The following ME3 variants were observed in gnomAD, a reference collection of about 807,000 sequenced individuals.
The protein encoded by ME3 is malic enzyme 3, also known as NADP-dependent malic enzyme, mitochondrial.
Under a neutral mutation model 68.9 loss-of-function variants are expected in ME3, and 48 were observed. That is an observed-to-expected ratio of 0.70 (90% CI 0.55 to 0.89). The LOEUF (loss-of-function observed/expected upper bound fraction) is 0.89, where lower values mean the gene tolerates loss of function less well. Among genes scored for constraint, ME3 ranks in the 40% least tolerant of loss-of-function variants. The probability of loss-of-function intolerance (pLI) is 0.00; values close to 1 mark genes in which losing one functional copy is unlikely to be tolerated. For missense variants in ME3, 675 were observed against 797.4 expected (o/e 0.85, Z 1.85); for synonymous variants, 320 against 318.8 (o/e 1.00, Z -0.04).
chr11:86,434,991 A>G, the ME3 span: 11 of 152,348 alleles, frequency 7.2e-5, no homozygotes, highest in East Asian at 1.7e-3. Flanking sequence ...GTAGACAAAA[A>G]TCAAGATTTT....
chr11:86,499,251 G>A (rs549999205), intron 5 of ME3, among the ~76,000 whole-genome samples: 4 of 152,120 alleles, frequency 2.6e-5, no homozygotes, highest in Admixed American at 2.6e-4. Flanking sequence ...TGCAGGAAGG[G>A]AAAAAATGGG....
At chr11:86,661,012 T>C (rs1008274156) in intron 2 of ME3, among the ~76,000 whole-genome samples, 1 of 152,116 alleles carries the variant, frequency 6.6e-6, no homozygotes, top group African/African-American at 2.4e-5. Context: ...CACCATATAG[T>C]TTCTGATACA....
At chr11:86,607,548 C>T (rs1177134431) in intron 2 of ME3, among the ~76,000 whole-genome samples, 2 of 149,930 alleles carry the variant, frequency 1.3e-5, no homozygotes, top group African/African-American at 4.9e-5. Flanking sequence ...AGAGTAAGTC[C>T]TTCCTGTAAA....
At chr11:86,594,061 T>TA (rs1302286476) in intron 2 of ME3, among the ~76,000 whole-genome samples, 2 of 146,534 alleles carry the variant, frequency 1.4e-5, no homozygotes, top group Non-Finnish European at 3.0e-5. Context: ...AAACTGACGA[T>TA]ACAGTAATAA....
chr11:86,614,957 G>A (rs979151023), intron 2 of ME3, among the ~76,000 whole-genome samples: 1 of 152,124 alleles, frequency 6.6e-6, no homozygotes, highest in African/African-American at 2.4e-5. Context: ...CATGTCAGAT[G>A]TGGCCATGAG....
intron 2 of ME3, among the ~76,000 whole-genome samples, chr11:86,650,070 A>C (rs1945296956): frequency 6.6e-6 from 1 of 152,352 alleles, no homozygotes; most frequent in African/African-American, 2.4e-5. Context: ...CTACGATGCT[A>C]CAGTAAACAA....
intron 4 of ME3, among the ~76,000 whole-genome samples, chr11:86,550,668 A>G (rs891782937): frequency 6.6e-6 from 1 of 152,094 alleles, no homozygotes; most frequent in Non-Finnish European, 1.5e-5. Flanking sequence ...GGCTGGTTTG[A>G]TGATGCTAGT....
intron 7 of ME3, among the ~76,000 whole-genome samples, chr11:86,475,606 G>A (rs878995082): frequency 1.3e-5 from 2 of 151,988 alleles, no homozygotes; most frequent in Non-Finnish European, 1.5e-5. Context: ...ATGAAGGAGG[G>A]CACATAATTG....
chr11:86,503,807 T>C (rs1415840760), intron 5 of ME3, among the ~76,000 whole-genome samples: 3 of 152,196 alleles, frequency 2.0e-5, no homozygotes, highest in Non-Finnish European at 4.4e-5. Context: ...AACCTCCTCC[T>C]GCGAAGCTCC....
chr11:86,533,284 A>G (rs879040931), intron 4 of ME3, among the ~76,000 whole-genome samples: 1 of 152,148 alleles, frequency 6.6e-6, no homozygotes, highest in Non-Finnish European at 1.5e-5. Flanking sequence ...AAGAGAGAAG[A>G]CTCAAAATCA....
At chr11:86,619,125 C>T (rs899528576) in intron 2 of ME3, among the ~76,000 whole-genome samples, 13 of 152,274 alleles carry the variant, frequency 8.5e-5, no homozygotes, top group African/African-American at 3.1e-4. Context: ...GTAAAAGCTC[C>T]CTGAGGCCTC....
chr11:86,600,716 A>G (rs1960482698), intron 2 of ME3, among the ~76,000 whole-genome samples: 1 of 151,978 alleles, frequency 6.6e-6, no homozygotes, highest in Non-Finnish European at 1.5e-5. Flanking sequence ...AGCTCTCCTC[A>G]GCAAATGTAA....
intron 3 of ME3, 142 bp from the exon 4 acceptor site, chr11:86,556,844 C>T: frequency 1.3e-6 from 1 of 778,906 alleles, no homozygotes; most frequent in Non-Finnish European, 2.0e-6. Flanking sequence ...TGAGCATGAG[C>T]TTCAACAGCT....
exon 6 of ME3, chr11:86,498,045 T>C: frequency 1.2e-6 from 2 of 1,613,760 alleles, no homozygotes; most frequent in Non-Finnish European, 1.7e-6. Flanking sequence ...CAGGGCCAGC[T>C]TGCCCACAGG....
intron 2 of ME3, among the ~76,000 whole-genome samples, chr11:86,668,491 C>A (rs1332242055): frequency 6.6e-6 from 1 of 152,178 alleles, no homozygotes; most frequent in Admixed American, 6.5e-5. Context: ...CAGACTAGAT[C>A]ATCTCTGAGG....
At chr11:86,640,829 C>T (rs1390291301) in intron 2 of ME3, among the ~76,000 whole-genome samples, 2 of 152,150 alleles carry the variant, frequency 1.3e-5, no homozygotes, top group African/African-American at 2.4e-5. Context: ...CTCCCCAATT[C>T]AGTGTTTCCC....
At chr11:86,641,478 C>T (rs1944671686) in intron 2 of ME3, among the ~76,000 whole-genome samples, 1 of 152,198 alleles carries the variant, frequency 6.6e-6, no homozygotes, top group Admixed American at 6.5e-5. Context: ...AATGTGTTTA[C>T]AGCCTGCCTT....
At chr11:86,636,008 C>A (rs1177718894) in intron 2 of ME3, among the ~76,000 whole-genome samples, 1 of 152,164 alleles carries the variant, frequency 6.6e-6, no homozygotes, top group Non-Finnish European at 1.5e-5. Flanking sequence ...TCCTGGGAAG[C>A]TTTGGGCTAA....
intron 6 of ME3, among the ~76,000 whole-genome samples, chr11:86,491,125 G>A (rs1245778471): frequency 6.6e-6 from 1 of 152,178 alleles, no homozygotes; most frequent in East Asian, 1.9e-4. Flanking sequence ...AGATTCTTAT[G>A]TTTGTATAGA....
Sources: gnomAD v4.1 joint callset for allele counts (sites outside exome capture counted in the v4.1 genomes callset) on GRCh38, gnomAD v4.1.1 for gene constraint, MANE v1.5 for transcripts, NCBI Gene and HGNC (gene_info 2026-07-23, HGNC 2026-07-21) for gene names.